The following PPM1B variants were observed in gnomAD, a reference collection of about 807,000 sequenced individuals.
PPM1B encodes the protein protein phosphatase, Mg2+/Mn2+ dependent 1B, also known as protein phosphatase 1B.
In PPM1B, 22 loss-of-function variants were observed where a neutral mutation model predicts 43.0. That is an observed-to-expected ratio of 0.51 (90% CI 0.37 to 0.73). The LOEUF (loss-of-function observed/expected upper bound fraction) is 0.73, where lower values mean the gene tolerates loss of function less well. PPM1B is among the 30% of genes least tolerant of loss of function. The probability of loss-of-function intolerance (pLI) is 0.00; values close to 1 mark genes in which losing one functional copy is unlikely to be tolerated. For synonymous variants in PPM1B, 217 were observed against 197.9 expected, an observed-to-expected ratio of 1.10 and a Z score of -0.81; for missense variants, 632 against 584.2, an observed-to-expected ratio of 1.08 and a Z score of -0.84.
intron 1 of PPM1B, among the ~76,000 whole-genome samples, chr2:44,183,056 T>C (rs12613091): frequency 0.13 from 20,385 of 152,208 alleles, 1,689 homozygotes; most frequent in South Asian, 0.24. Flanking sequence ...TTTCAGTGAG[T>C]AGCTATTGGT....
intron 5 of PPM1B, among the ~76,000 whole-genome samples, chr2:44,222,551 C>T (rs11124980): frequency 0.55 from 84,123 of 151,876 alleles, 23,978 homozygotes; most frequent in Admixed American, 0.65. Flanking sequence ...CCTACTTGTG[C>T]CAGGCCCCTT....
intron 5 of PPM1B, among the ~76,000 whole-genome samples, chr2:44,242,466 A>G (rs866550997): frequency 1.3e-5 from 2 of 152,124 alleles, no homozygotes; most frequent in East Asian, 1.9e-4. Flanking sequence ...TTTTTCTCTA[A>G]TTTTCCATAT....
Position 44,169,164 on chromosome 2 carries a change from AG to A in PPM1B, c.-120del. 7.4e-6 allele frequency: 1 copy of A among 135,388 alleles called. No homozygotes were observed. Among genetic ancestry groups the A allele is most frequent in the Non-Finnish European group, 1.6e-5 (1 of 61,256 alleles). 8.4% of individuals were successfully genotyped at this position (135,388 alleles called of 1,614,324 possible). ...CCCGGAGGCGGCGGTCGAGACCCCG[AG>A]GGGGAAGCGGCGGCTGAGTCAGGGT... On this transcript the variant is annotated 5_prime_UTR_variant, in exon 1 of 6. Transcript: ENST00000282412.
chr2:44,211,033 G>T (rs1329988364), intron 3 of PPM1B, among the ~76,000 whole-genome samples: 3 of 152,136 alleles, frequency 2.0e-5, no homozygotes, highest in Admixed American at 2.0e-4. Flanking sequence ...CTACTCCGGA[G>T]GCTGAGGCGG....
intron 5 of PPM1B, among the ~76,000 whole-genome samples, chr2:44,240,108 A>G (rs1670714500): frequency 6.9e-6 from 1 of 145,380 alleles, no homozygotes; most frequent in African/African-American, 2.5e-5. Flanking sequence ...CCTGTCCTCA[A>G]GCAATCCTCC....
downstream of PPM1B, chr2:44,233,714 G>C (rs554178720): frequency 1.0e-6 from 1 of 985,820 alleles, no homozygotes; most frequent in South Asian, 4.7e-5. Flanking sequence ...TTTCTGGAGA[G>C]CCACACATTT....
chr2:44,178,094 T>G (rs569140657), intron 1 of PPM1B, among the ~76,000 whole-genome samples: 81 of 151,780 alleles, frequency 5.3e-4, no homozygotes, highest in African/African-American at 1.9e-3. Context: ...ATTTTTGTGT[T>G]TTTTTTGTAG....
At chr2:44,212,395 C>G (rs979008878) in intron 3 of PPM1B, among the ~76,000 whole-genome samples, 8 of 152,164 alleles carry the variant, frequency 5.3e-5, no homozygotes, top group Non-Finnish European at 1.0e-4. Flanking sequence ...CACCCTATAG[C>G]CATCCTAAAG....
chr2:44,239,420 C>A (rs1387135751), downstream of PPM1B, among the ~76,000 whole-genome samples: 1 of 151,854 alleles, frequency 6.6e-6, no homozygotes, highest in African/African-American at 2.4e-5. Flanking sequence ...AGCTGCAAAA[C>A]CTCTCAGACT....
chr2:44,242,539 A>C (rs1280053824), intron 5 of PPM1B, among the ~76,000 whole-genome samples: 1 of 152,218 alleles, frequency 6.6e-6, no homozygotes, highest in African/African-American at 2.4e-5. Context: ...AGTGTCCTAA[A>C]TTGCCTTTCA....
At chr2:44,237,924 G>C (rs1280244097), downstream of PPM1B, among the ~76,000 whole-genome samples, 1 of 152,120 alleles carries the variant, frequency 6.6e-6, no homozygotes, top group African/African-American at 2.4e-5. Flanking sequence ...ATTTGAGATG[G>C]AGTTTCATGT....
intron 2 of PPM1B, 90 bp from the exon 3 acceptor site, chr2:44,209,120 A>C: frequency 8.6e-7 from 1 of 1,161,710 alleles, no homozygotes; most frequent in Non-Finnish European, 1.2e-6. Flanking sequence ...TGGATGATTA[A>C]ATAAACTATA....
chr2:44,235,479 C>T (rs1321896574), downstream of PPM1B, among the ~76,000 whole-genome samples: 1 of 151,578 alleles, frequency 6.6e-6, no homozygotes, highest in African/African-American at 2.4e-5. Flanking sequence ...GGCGCATGCC[C>T]GTAATCCCAG....
rs565137527 is a variant in PPM1B, at chr2:44,199,206, C to T, written c.-14-1980C>T. 1.6e-3 allele frequency among the ~76,000 whole-genome samples: 215 copies of T among 131,490 alleles called. 1 individual carries two copies. Among genetic ancestry groups the T allele is most frequent in the Non-Finnish European group, 2.3e-3 (146 of 63,382 alleles). 86.3% of individuals were successfully genotyped at this position (131,490 alleles called of 152,430 possible). A position where few individuals can be genotyped will look rare whatever the true frequency, so the allele number is the denominator to read the frequency against. ...CTGGGAGGCGGAGGTTGCAGTGAGC[C>T]GAGATTGTGCCGTTGCACTCCAGCC... On this transcript the variant is annotated intron_variant, in intron 1 of 5. Coordinates refer to ENST00000282412, the MANE Select transcript of PPM1B (RefSeq NM_002706.6).
chr2:44,171,116 T>G (rs189264559), intron 1 of PPM1B, among the ~76,000 whole-genome samples: 12 of 152,224 alleles, frequency 7.9e-5, no homozygotes, highest in Non-Finnish European at 1.5e-4. Context: ...TAGTACATTA[T>G]CCTCTGGATT....
chr2:44,245,301 C>G (rs1249221973), downstream of PPM1B, among the ~76,000 whole-genome samples: 1 of 148,738 alleles, frequency 6.7e-6, no homozygotes, highest in Non-Finnish European at 1.5e-5. Flanking sequence ...TATAAAATCT[C>G]AAAGCTGAGA....
intron 1 of PPM1B, among the ~76,000 whole-genome samples, chr2:44,188,393 C>T (rs77703285): frequency 0.045 from 4,160 of 92,334 alleles, 403 homozygotes; most frequent in African/African-American, 0.18. Flanking sequence ...TTCTTTCTTT[C>T]TTTTTTTTTT....
intron 1 of PPM1B, among the ~76,000 whole-genome samples, chr2:44,189,792 A>G (rs1180033820): frequency 1.3e-5 from 2 of 152,160 alleles, no homozygotes; most frequent in African/African-American, 4.8e-5. Flanking sequence ...CACTGCTTCT[A>G]TCTGCTTTAT....
chr2:44,225,520 A>AT (rs1377433261), intron 5 of PPM1B, among the ~76,000 whole-genome samples: 1 of 152,216 alleles, frequency 6.6e-6, no homozygotes, highest in Non-Finnish European at 1.5e-5. Flanking sequence ...AGAAAATGTA[A>AT]TTTGCCATAA....
Sources: allele counts gnomAD v4.1 joint callset (sites outside exome capture counted in the v4.1 genomes callset), GRCh38; gene constraint gnomAD v4.1.1; transcripts MANE v1.5; gene names NCBI Gene and HGNC (gene_info 2026-07-23, HGNC 2026-07-21).